The following CES5A variants were observed in gnomAD, a reference collection of about 807,000 sequenced individuals.
The protein encoded by CES5A is carboxylesterase 5A.
A neutral mutation model predicts 62.9 loss-of-function variants in CES5A; 67 were observed. The observed-to-expected ratio is 1.07, with a 90% confidence interval of 0.88 to 1.31. CES5A has a LOEUF of 1.31. Among genes scored for constraint, CES5A ranks in the 50% most tolerant of loss-of-function variants. The pLI, the probability that CES5A is intolerant of heterozygous loss-of-function variation, is 0.00. For missense variants in CES5A, 748 were observed against 708.5 expected, an observed-to-expected ratio of 1.06 and a Z score of -0.63; for synonymous variants, 296 against 280.8, an observed-to-expected ratio of 1.05 and a Z score of -0.54.
intron 1 of CES5A, among the ~76,000 whole-genome samples, chr16:55,920,381 C>T (rs1188967757): frequency 6.6e-6 from 1 of 152,112 alleles, no homozygotes; most frequent in Admixed American, 6.5e-5. Flanking sequence ...GAGAACCATC[C>T]CTGATGTGAG....
intron 1 of CES5A, among the ~76,000 whole-genome samples, chr16:55,901,977 C>A (rs1272704908): frequency 2.6e-5 from 4 of 152,158 alleles, no homozygotes; most frequent in African/African-American, 4.8e-5. Flanking sequence ...AGGGAAGGAT[C>A]GCAGCCTTGG....
At position 55,943,929 on chromosome 16, in the gene CES5A, AG is replaced by A. The variant is rs2034469155; in HGVS notation, c.160+5855del. On this transcript the variant is annotated intron_variant, in intron 2 of 13. Transcript: ENST00000521992. ...ATCCAGTAAGAGGGTCTAGAGCTGA[AG>A]GGGCAGTATTCATCTTCTTCTGAAA... 1.4e-5 allele frequency: 9 copies of A among 666,210 alleles called. No homozygotes were observed. In the South Asian group the frequency reaches 1.5e-4, roughly 11 times the overall value. The allele number at this position is 666,210 out of a possible 1,614,324, so 41.3% of individuals were successfully genotyped here.
At chr16:55,914,649 C>T (rs910503548) in intron 1 of CES5A, among the ~76,000 whole-genome samples, 3 of 152,172 alleles carry the variant, frequency 2.0e-5, no homozygotes, top group South Asian at 2.1e-4. Flanking sequence ...GCCCTTTAAA[C>T]GAAATCCCTG....
At chr16:55,954,509 A>T (rs2034589067) in intron 1 of CES5A, among the ~76,000 whole-genome samples, 1 of 152,174 alleles carries the variant, frequency 6.6e-6, no homozygotes, top group Non-Finnish European at 1.5e-5. Context: ...GGTGAAGAAC[A>T]TTTTTAAACC....
rs764673517 is a variant in CES5A at position 55,852,974 on chromosome 16, G to A, written c.1180C>T (p.His394Tyr). 3.7e-6 allele frequency: 6 copies of A among 1,614,026 alleles called. No individual in the cohort carries two copies. The Admixed American group carries it at 1.0e-4, about 27-fold the overall frequency. ...LVANEYFHDKHSLTEIRDSLL... is the reference protein window; with the variant it reads ...LVANEYFHDKYSLTEIRDSLL... The stretch of plus-strand genomic sequence containing the variant: ...CTGTCTCGGATTTCAGTCAGGGAGT[G>A]CTTGTCATGGAAGTATTCATTAGCC... The change falls in exon 10 of 13, where the codon CAC becomes TAC. Residue 394 changes from histidine (H) to tyrosine (Y), a missense_variant. His to Tyr is a moderately conservative substitution (Grantham distance 83). Transcript: ENST00000290567.
At chr16:55,942,036 A>G (rs959476378) in intron 2 of CES5A, among the ~76,000 whole-genome samples, 1 of 152,224 alleles carries the variant, frequency 6.6e-6, no homozygotes, top group East Asian at 1.9e-4. Flanking sequence ...ATGGAAATGA[A>G]TGAACTTCAA....
At chr16:55,858,092 G>A (rs1315834321) in intron 8 of CES5A, among the ~76,000 whole-genome samples, 3 of 152,166 alleles carry the variant, frequency 2.0e-5, no homozygotes, top group Non-Finnish European at 2.9e-5. Context: ...CCAGCTACTC[G>A]ATAGGCTGAG....
intron 1 of CES5A, among the ~76,000 whole-genome samples, chr16:55,955,573 G>C (rs1359453634): frequency 2.6e-5 from 4 of 152,168 alleles, no homozygotes; most frequent in African/African-American, 9.7e-5. Flanking sequence ...GCCACATGCC[G>C]CATGGAGGAA....
chr16:55,908,406 C>A (rs1191377647), intron 1 of CES5A, among the ~76,000 whole-genome samples: 2 of 152,150 alleles, frequency 1.3e-5, no homozygotes, highest in African/African-American at 4.8e-5. Context: ...GTTGCCCAGG[C>A]TGGAGTGCAA....
intron 8 of CES5A, among the ~76,000 whole-genome samples, chr16:55,859,069 C>T (rs1250709446): frequency 6.6e-6 from 1 of 152,212 alleles, no homozygotes; most frequent in Non-Finnish European, 1.5e-5. Flanking sequence ...CTAATAAATG[C>T]TCAGTACATA....
chr16:55,873,699 C>T, intron 2 of CES5A, 134 bp downstream of exon 2: 1 of 797,452 alleles, frequency 1.3e-6, no homozygotes, highest in Non-Finnish European at 2.0e-6. Flanking sequence ...AAACCACTCG[C>T]CCGAGTCTCA....
At chr16:55,871,599 C>A in intron 3 of CES5A, 26 bp downstream of exon 3, 1 of 1,613,032 alleles carries the variant, frequency 6.2e-7, no homozygotes, top group African/African-American at 1.3e-5. Flanking sequence ...TAGCTAGAGC[C>A]CGAAGCACAC....
chr16:55,877,003 G>C (rs1277691232), upstream of CES5A, among the ~76,000 whole-genome samples: 3 of 152,166 alleles, frequency 2.0e-5, no homozygotes, highest in Non-Finnish European at 4.4e-5. Flanking sequence ...GGGGGAATCA[G>C]TGGGCTTTGA....
chr16:55,945,139 C>A (rs989047892), intron 2 of CES5A, among the ~76,000 whole-genome samples: 2 of 151,908 alleles, frequency 1.3e-5, no homozygotes, highest in African/African-American at 4.8e-5. Flanking sequence ...ACTTCATAAG[C>A]AATAATCATT....
upstream of CES5A, among the ~76,000 whole-genome samples, chr16:55,877,674 C>T (rs2033713222): frequency 6.6e-6 from 1 of 152,120 alleles, no homozygotes; most frequent in Non-Finnish European, 1.5e-5. Context: ...GAATCAATGC[C>T]TCTAGACTTC....
chr16:55,866,168 C>A, intron 4 of CES5A, 52 bp from the exon 5 acceptor site: 1 of 1,566,224 alleles, frequency 6.4e-7, no homozygotes, highest in African/African-American at 1.4e-5. Flanking sequence ...GTGTGTTTCC[C>A]ACAGCCCTGG....
chr16:55,864,015 G>A (rs1183745565), intron 5 of CES5A, among the ~76,000 whole-genome samples: 2 of 151,964 alleles, frequency 1.3e-5, no homozygotes, highest in East Asian at 3.9e-4. Flanking sequence ...CAAAGTGCTG[G>A]GATGACAGGC....
rs150432882 is a variant in CES5A, at chr16:55,857,349, T to C, written c.1057-904A>G. 4.6e-3 allele frequency among the ~76,000 whole-genome samples: 696 copies of C among 152,304 alleles called. 3 individuals carry two copies. Among genetic ancestry groups the C allele is most frequent in the Non-Finnish European group, 7.6e-3 (520 of 68,028 alleles). On this transcript the variant is annotated intron_variant, in intron 8 of 12. Coordinates refer to ENST00000290567, the MANE Select transcript of CES5A (RefSeq NM_001143685.2). ...ATGTAGTAAGTGCTTCCTGTGATTA[T>C]TTGTTAAATTACCACTTTCTGGCAA...
chr16:55,871,534 A>AAACAG, intron 3 of CES5A, 91 bp downstream of exon 3: 7 of 1,421,766 alleles, frequency 4.9e-6, no homozygotes, highest in Non-Finnish European at 6.8e-6. Flanking sequence ...AACAGGGGGT[A>AAACAG]GTTCCAATTC....
Sources: allele counts gnomAD v4.1 joint callset (sites outside exome capture counted in the v4.1 genomes callset), GRCh38; gene constraint gnomAD v4.1.1; transcripts MANE v1.5; gene names NCBI Gene and HGNC (gene_info 2026-07-23, HGNC 2026-07-21).